The following NFIA variants were observed in gnomAD, a reference collection of about 807,000 sequenced individuals.
NFIA encodes the protein nuclear factor 1 A-type.
A neutral mutation model predicts 62.8 loss-of-function variants in NFIA; 8 were observed. The observed-to-expected ratio is 0.13, with a 90% CI of 0.07 to 0.23. The LOEUF is 0.23. Ranked by LOEUF, NFIA falls within the 10% of genes least tolerant of loss-of-function variation. The pLI is 1.00. For missense variants in NFIA, 410 were observed against 642.1 expected (o/e 0.64, Z 3.91); for synonymous variants, 235 against 238.1 (o/e 0.99, Z 0.12).
intron 2 of NFIA, among the ~76,000 whole-genome samples, chr1:61,271,788 T>TA (rs1657523990): frequency 6.6e-6 from 1 of 152,246 alleles, no homozygotes; most frequent in Non-Finnish European, 1.5e-5. Flanking sequence ...AGTTACCGTG[T>TA]ACATATATCT....
intron 2 of NFIA, among the ~76,000 whole-genome samples, chr1:61,192,553 A>G (rs1570352063): frequency 6.7e-6 from 1 of 148,590 alleles, no homozygotes; most frequent in African/African-American, 2.5e-5. Context: ...TACAAAAAAA[A>G]TTAGCTGAGC....
At chr1:61,281,569 GT>G (rs1658137254) in intron 3 of NFIA, among the ~76,000 whole-genome samples, 1 of 152,174 alleles carries the variant, frequency 6.6e-6, no homozygotes, top group Non-Finnish European at 1.5e-5. Flanking sequence ...TGCCACGTCT[GT>G]TTTCCCATTT....
At chr1:61,311,078 C>T (rs1294851444) in intron 3 of NFIA, among the ~76,000 whole-genome samples, 2 of 152,118 alleles carry the variant, frequency 1.3e-5, no homozygotes, top group Admixed American at 1.3e-4. Flanking sequence ...ATCGCGTTTT[C>T]TGAAAGTAAT....
At chr1:61,186,634 G>A (rs1269263777) in intron 2 of NFIA, among the ~76,000 whole-genome samples, 1 of 152,196 alleles carries the variant, frequency 6.6e-6, no homozygotes, top group Non-Finnish European at 1.5e-5. Context: ...AGACAGCAAA[G>A]ATGCCTTATA....
chr1:61,191,779 CA>C (rs1445158556), intron 2 of NFIA, among the ~76,000 whole-genome samples: 1 of 152,102 alleles, frequency 6.6e-6, no homozygotes, highest in Non-Finnish European at 1.5e-5. Context: ...TTTTTCCCCC[CA>C]CAGATATTGG....
intron 10 of NFIA, among the ~76,000 whole-genome samples, chr1:61,449,728 A>G (rs1667978695): frequency 6.6e-6 from 1 of 152,264 alleles, no homozygotes; most frequent in Non-Finnish European, 1.5e-5. Flanking sequence ...TTTCTGTACA[A>G]TAAACAAGTC....
intron 3 of NFIA, among the ~76,000 whole-genome samples, chr1:61,294,338 T>G (rs1659068395): frequency 6.6e-6 from 1 of 152,238 alleles, no homozygotes; most frequent in South Asian, 2.1e-4. Flanking sequence ...AAAGTAAAGT[T>G]TCATGCATCC....
At chr1:61,182,023 T>C (rs1165374604) in intron 2 of NFIA, among the ~76,000 whole-genome samples, 1 of 152,210 alleles carries the variant, frequency 6.6e-6, no homozygotes, top group Non-Finnish European at 1.5e-5. Flanking sequence ...TTCTCCTTGG[T>C]TTTAGGTTAC....
At chr1:61,307,007 C>A (rs769417985) in intron 3 of NFIA, among the ~76,000 whole-genome samples, 1 of 152,142 alleles carries the variant, frequency 6.6e-6, no homozygotes, top group African/African-American at 2.4e-5. Flanking sequence ...AGGAAAAATT[C>A]AGAAAGTATT....
intron 7 of NFIA, among the ~76,000 whole-genome samples, chr1:61,389,128 G>A (rs751597550): frequency 2.6e-5 from 4 of 152,090 alleles, no homozygotes; most frequent in Non-Finnish European, 4.4e-5. Context: ...ACAAAAAAAA[G>A]CAAGTATGTG....
chr1:61,217,189 T>C (rs1304945439), intron 2 of NFIA, among the ~76,000 whole-genome samples: 1 of 151,144 alleles, frequency 6.6e-6, no homozygotes, highest in African/African-American at 2.4e-5. Flanking sequence ...TCTGAGTAGC[T>C]GGGACTGCCG....
intron 2 of NFIA, among the ~76,000 whole-genome samples, chr1:61,201,073 G>A (rs948068120): frequency 1.3e-5 from 2 of 152,164 alleles, no homozygotes; most frequent in African/African-American, 4.8e-5. Flanking sequence ...AGAAAATTCT[G>A]ATGGGAATCT....
At chr1:61,174,826 G>C (rs532860286) in intron 2 of NFIA, among the ~76,000 whole-genome samples, 2 of 152,258 alleles carry the variant, frequency 1.3e-5, no homozygotes, top group Admixed American at 1.3e-4. Flanking sequence ...AGTCACATTT[G>C]CTGAGACTGA....
At chr1:61,370,574 C>T (rs964385909) in intron 6 of NFIA, among the ~76,000 whole-genome samples, 1 of 152,190 alleles carries the variant, frequency 6.6e-6, no homozygotes, top group Admixed American at 6.6e-5. Context: ...TAAAGTATCA[C>T]TGACCTCCCT....
intron 8 of NFIA, among the ~76,000 whole-genome samples, chr1:61,405,973 A>T (rs1054054131): frequency 6.6e-6 from 1 of 152,178 alleles, no homozygotes; most frequent in Non-Finnish European, 1.5e-5. Flanking sequence ...GCCTGATGTT[A>T]TACAATATGT....
At chr1:61,267,746 T>C (rs1440088853) in intron 2 of NFIA, among the ~76,000 whole-genome samples, 1 of 152,178 alleles carries the variant, frequency 6.6e-6, no homozygotes, top group Admixed American at 6.5e-5. Context: ...ATTATGAATG[T>C]ACACAACAAC....
intron 2 of NFIA, among the ~76,000 whole-genome samples, chr1:61,127,021 C>G (rs1646986603): frequency 1.3e-5 from 2 of 151,344 alleles, no homozygotes; most frequent in Non-Finnish European, 2.9e-5. Flanking sequence ...TCCTCCTGAC[C>G]TCAGGCAGTC....
intron 3 of NFIA, among the ~76,000 whole-genome samples, chr1:61,285,117 A>T (rs1381024374): frequency 6.6e-6 from 1 of 152,194 alleles, no homozygotes. Flanking sequence ...TAGAAGGTGC[A>T]CCTGGTGTTT....
intron 2 of NFIA, among the ~76,000 whole-genome samples, chr1:61,264,139 C>G (rs759020468): frequency 5.9e-5 from 9 of 152,130 alleles, no homozygotes; most frequent in Non-Finnish European, 1.0e-4. Context: ...AACAAGCTTC[C>G]TCCTCCTAAG....
Sources: allele counts gnomAD v4.1 joint callset (sites outside exome capture counted in the v4.1 genomes callset), GRCh38; gene constraint gnomAD v4.1.1; transcripts MANE v1.5; gene names NCBI Gene and HGNC (gene_info 2026-07-23, HGNC 2026-07-21).